Variants in ITM2C observed in about 807,000 individuals in gnomAD.
The protein encoded by ITM2C is integral membrane protein 2C, also known as BRICHOS domain containing 2C.
A neutral mutation model predicts 30.0 loss-of-function variants in ITM2C; 20 were observed. That is an observed-to-expected ratio of 0.67 (90% CI 0.47 to 0.97). ITM2C has a LOEUF of 0.97. Ranked by LOEUF, ITM2C falls within the 50% of genes least tolerant of loss-of-function variation. The pLI, the probability that ITM2C is intolerant of heterozygous loss-of-function variation, is 0.00. For synonymous variants in ITM2C, 167 were observed against 156.4 expected, an observed-to-expected ratio of 1.07 and a Z score of -0.51; for missense variants, 366 against 371.9, an observed-to-expected ratio of 0.98 and a Z score of 0.13.
intron 1 of ITM2C, among the ~76,000 whole-genome samples, chr2:230,867,037 G>A (rs2125013343): frequency 6.6e-6 from 1 of 152,284 alleles, no homozygotes; most frequent in Non-Finnish European, 1.5e-5. Context: ...CACCCAGCAT[G>A]AAATGGAAAT....
chr2:230,873,455 C>T lies in ITM2C; in HGVS notation c.159C>T (p.Gly53=). The T allele has an allele frequency of 6.2e-7, 1 of 1,606,926 alleles. No homozygotes were observed. The highest frequency in any genetic ancestry group is 1.1e-5 in the South Asian group (1 of 89,458). The part of the protein sequence containing the change: ...QPPQHRSKRG[G]SVGGVCYLSM... ...CACAACATCGATCCAAGAGGGGGGG[C>T]TCAGTGGGCGGCGTGTGCTACCTGT... Residue 53 remains glycine (G), a synonymous_variant, in exon 2 of 6, where the codon GGC becomes GGT. Coordinates refer to ENST00000326427, the MANE Select transcript of ITM2C (RefSeq NM_030926.6).
intron 2 of ITM2C, among the ~76,000 whole-genome samples, chr2:230,874,575 C>T (rs1475247014): frequency 1.3e-5 from 2 of 152,330 alleles, no homozygotes; most frequent in Non-Finnish European, 2.9e-5. Context: ...TGGGTCTGTG[C>T]CCTGGGACAG....
rs376593163 is a variant in ITM2C, at chr2:230,877,563, C to T, written c.712+13C>T. On this transcript the variant is annotated intron_variant, in intron 5 of 5. Transcript: ENST00000326427. This position sits in a 1 kb window ranked among gnomAD's most constrained non-coding sequence, Gnocchi z 4.8. ...GCAACGCGGAGGCGTGAGTGGCTGG[C>T]TTCACCCACAGTAGCCCCTGTCCCG... The T allele has an allele frequency of 1.9e-6, 3 of 1,612,628 alleles. No individual in the cohort carries two copies. Among genetic ancestry groups the T allele is most frequent in the Non-Finnish European group, 1.7e-6 (2 of 1,179,874 alleles).
At chr2:230,870,734 G>A (rs1425353382) in intron 1 of ITM2C, among the ~76,000 whole-genome samples, 1 of 152,242 alleles carries the variant, frequency 6.6e-6, no homozygotes, top group Admixed American at 6.5e-5. Flanking sequence ...CCCAGCTCAA[G>A]TTCTGCAGAC....
At chr2:230,870,458 C>T (rs888252355) in intron 1 of ITM2C, among the ~76,000 whole-genome samples, 56 of 152,208 alleles carry the variant, frequency 3.7e-4, no homozygotes, top group African/African-American at 1.3e-3. Flanking sequence ...AGGGTGGCAG[C>T]GTGGCTGAGC....
intron 2 of ITM2C, 34 bp downstream of exon 2, chr2:230,873,591 G>T: frequency 6.3e-7 from 1 of 1,576,422 alleles, no homozygotes; most frequent in South Asian, 1.2e-5. Context: ...GCAAGGCCTC[G>T]AGAAAGGGTC....
At chr2:230,868,667 T>A (rs1416964431) in intron 1 of ITM2C, among the ~76,000 whole-genome samples, 1 of 152,208 alleles carries the variant, frequency 6.6e-6, no homozygotes, top group Non-Finnish European at 1.5e-5. Flanking sequence ...GGGATCAGAT[T>A]TCAGTTTCCT....
At position 230,876,961 on chromosome 2, in the gene ITM2C, C is replaced by T. The variant is rs761621617; in HGVS notation, c.555C>T (p.Asn185=). The T allele has an allele frequency of 1.1e-5, 18 of 1,606,418 alleles. No individual in the cohort carries two copies. The highest frequency in any genetic ancestry group is 4.4e-5 in the South Asian group (4 of 90,934). The stretch of plus-strand genomic sequence containing the variant: ...GCAACTTCTGGGAGCTCCTCATGAA[C>T]GTGAAGGTGCGCAGGGGGTTGGGGG... ...PPRNFWELLM[N]VKRGTYLPQT... Residue 185 remains asparagine (N), a synonymous_variant, in exon 4 of 6, where the codon AAC becomes AAT. Transcript: ENST00000326427.
chr2:230,871,114 C>G lies in ITM2C; in HGVS notation c.121-2303C>G, dbSNP rs547253157. Among the ~76,000 whole-genome samples the G allele has an allele frequency of 9.8e-5, 15 of 152,338 alleles. No homozygotes were observed. In the East Asian group the frequency reaches 2.9e-3, roughly 29 times the overall value. On this transcript the variant is annotated intron_variant, in intron 1 of 5. Transcript: ENST00000326427. Reference sequence around the variant, plus strand: ...TAATCCCAGCAAAACCCCTGTCACGCAGAGTCTGTCCACATTTTGCATGGG... The same window carrying G: ...TAATCCCAGCAAAACCCCTGTCACGGAGAGTCTGTCCACATTTTGCATGGG...
chr2:230,870,381 C>T (rs1042245290), intron 1 of ITM2C, among the ~76,000 whole-genome samples: 2 of 152,248 alleles, frequency 1.3e-5, no homozygotes, highest in Admixed American at 1.3e-4. Flanking sequence ...TGTAATGCTG[C>T]CTTCTGCACT....
At chr2:230,871,015 C>A (rs753951197) in intron 1 of ITM2C, among the ~76,000 whole-genome samples, 2 of 152,202 alleles carry the variant, frequency 1.3e-5, no homozygotes, top group Non-Finnish European at 2.9e-5. Context: ...AGGAAAGGCT[C>A]GGCTGATAAA....
intron 2 of ITM2C, among the ~76,000 whole-genome samples, chr2:230,874,329 A>G (rs1048792802): frequency 2.0e-5 from 3 of 152,064 alleles, no homozygotes; most frequent in Admixed American, 6.5e-5. Flanking sequence ...AGCTCAGCTC[A>G]CATACACCCA....
In ITM2C at chr2:230,865,611, G is replaced by C. The variant is rs1234278930; in HGVS notation, c.120+466G>C. The C allele has an allele frequency of 6.6e-6, 1 of 151,028 alleles. No homozygotes were observed. Among genetic ancestry groups the C allele is most frequent in the Non-Finnish European group, 1.5e-5 (1 of 67,884 alleles). 9.4% of individuals were successfully genotyped at this position (151,028 alleles called of 1,614,324 possible). ...GTGGGACCTGATTGGCTGGGGAATT[G>C]GGGGTGGGGGGGTCTGGTACCAACG... On this transcript the variant is annotated intron_variant, in intron 1 of 5. Transcript: ENST00000326427. The surrounding 1 kb of genome is among the most constrained non-coding windows in gnomAD (Gnocchi z 6.8).
intron 1 of ITM2C, among the ~76,000 whole-genome samples, chr2:230,869,042 G>T (rs1697099806): frequency 1.3e-5 from 2 of 152,222 alleles, no homozygotes; most frequent in African/African-American, 4.8e-5. Context: ...CAGATTGCCA[G>T]TGAGGATGAG....
intron 1 of ITM2C, among the ~76,000 whole-genome samples, chr2:230,871,923 A>G (rs1697175577): frequency 6.6e-6 from 1 of 152,236 alleles, no homozygotes. Context: ...GGAGCGAAGC[A>G]GGCGCCCCCA....
At chr2:230,876,401 AT>A (rs924091696) in intron 3 of ITM2C, among the ~76,000 whole-genome samples, 1 of 152,126 alleles carries the variant, frequency 6.6e-6, no homozygotes, top group Non-Finnish European at 1.5e-5. Context: ...CCGCCCAGGT[AT>A]TGAGGAGTCT....
Position 230,864,988 on chromosome 2 carries a change from G to C in ITM2C, c.-38G>C, listed in dbSNP as rs1696986278. ...GGAGGCAGAGACCGAGGCTGCACCG[G>C]CAGAGGCTGCGGGGCGGACGCGCGG... On this transcript the variant is annotated 5_prime_UTR_variant, in exon 1 of 6. Transcript: ENST00000326427. The surrounding 1 kb of genome is among the most constrained non-coding windows in gnomAD (Gnocchi z 4.3). 7.0e-7 allele frequency: 1 copy of C among 1,435,610 alleles called. No homozygotes were observed. The highest frequency in any genetic ancestry group is 9.2e-7 in the Non-Finnish European group (1 of 1,083,748). 88.9% of individuals were successfully genotyped at this position (1,435,610 alleles called of 1,614,324 possible).
chr2:230,868,496 C>CTT (rs1697087599), intron 1 of ITM2C, among the ~76,000 whole-genome samples: 3 of 144,970 alleles, frequency 2.1e-5, no homozygotes, highest in Admixed American at 1.4e-4. Context: ...TATGCACACA[C>CTT]ATGCACGCAC....
At chr2:230,874,601 G>A (rs909404909) in intron 2 of ITM2C, among the ~76,000 whole-genome samples, 1 of 152,250 alleles carries the variant, frequency 6.6e-6, no homozygotes, top group Non-Finnish European at 1.5e-5. Context: ...GGGGTGTCCA[G>A]CCACTGTGGG....
Sources: allele counts gnomAD v4.1 joint callset (sites outside exome capture counted in the v4.1 genomes callset), GRCh38; gene constraint gnomAD v4.1.1; non-coding constraint Gnocchi (gnomAD v3.1); transcripts MANE v1.5; gene names NCBI Gene and HGNC (gene_info 2026-07-23, HGNC 2026-07-21).